The following NAALADL2 variants were observed in gnomAD, a reference collection of about 807,000 sequenced individuals.
NAALADL2 encodes the protein N-acetylated alpha-linked acidic dipeptidase like 2.
NAALADL2 carries 76 observed loss-of-function variants against 87.2 expected under a neutral mutation model. That is an observed-to-expected ratio of 0.87 (90% CI 0.72 to 1.05). The LOEUF (loss-of-function observed/expected upper bound fraction) is 1.05. NAALADL2 is among the 50% of genes least tolerant of loss of function. NAALADL2 has a pLI of 0.00. For synonymous variants in NAALADL2, 354 were observed against 331.0 expected (o/e 1.07, Z -0.75); for missense variants, 1,089 against 945.8 (o/e 1.15, Z -1.99).
chr3:174,537,262 T>G (rs1229137682), intron 1 of NAALADL2, among the ~76,000 whole-genome samples: 2 of 152,186 alleles, frequency 1.3e-5, no homozygotes, highest in Non-Finnish European at 2.9e-5. Context: ...CAATTGTTTT[T>G]TATTATGGAT....
At chr3:174,789,796 T>C (rs138650123) in intron 3 of NAALADL2, among the ~76,000 whole-genome samples, 34 of 152,270 alleles carry the variant, frequency 2.2e-4, no homozygotes, top group African/African-American at 7.0e-4. Context: ...CTAAGTGAAG[T>C]AAACCATGGA....
chr3:174,813,555 G>A (rs757852009), intron 3 of NAALADL2, among the ~76,000 whole-genome samples: 5 of 152,212 alleles, frequency 3.3e-5, no homozygotes, highest in Admixed American at 1.3e-4. Context: ...AACTAGGAAA[G>A]TACGGTCTAT....
At chr3:175,252,489 C>T (rs1249033635) in intron 3 of NAALADL2, among the ~76,000 whole-genome samples, 1 of 152,122 alleles carries the variant, frequency 6.6e-6, no homozygotes, top group Non-Finnish European at 1.5e-5. Flanking sequence ...CTCCCTCCCT[C>T]TCCTGGGCCT....
intron 1 of NAALADL2, among the ~76,000 whole-genome samples, chr3:174,460,266 T>C (rs199610207): frequency 1.3e-5 from 2 of 151,338 alleles, no homozygotes; most frequent in African/African-American, 4.9e-5. Flanking sequence ...TTTGGTTAGT[T>C]TGTTCATGTA....
chr3:174,522,064 A>C (rs113946294), intron 1 of NAALADL2, among the ~76,000 whole-genome samples: 3,801 of 152,212 alleles, frequency 0.025, 160 homozygotes, highest in African/African-American at 0.087. Flanking sequence ...GCACCACTAC[A>C]CTCCAGCCTG....
chr3:175,490,074 G>A lies in NAALADL2; in HGVS notation c.1653+18316G>A, dbSNP rs561502976. Among the ~76,000 whole-genome samples, 6 of 152,260 alleles carry A rather than the reference G, an allele frequency of 3.9e-5. No individual in the cohort carries two copies. In the East Asian group the frequency reaches 1.2e-3, roughly 30 times the overall value. On this transcript the variant is annotated intron_variant, in intron 9 of 13. Transcript: ENST00000454872. ...CGCGGCCCATCTCTCTGTCAACAAT[G>A]ATCAGTTCATGGATGGACACATTAC...
intron 1 of NAALADL2, among the ~76,000 whole-genome samples, chr3:174,546,007 T>G (rs2108478936): frequency 6.6e-6 from 1 of 151,760 alleles, no homozygotes; most frequent in South Asian, 2.1e-4. Context: ...TTGTTTTTTT[T>G]GGTCTTTTTC....
chr3:174,864,347 G>A (rs987573622), intron 1 of NAALADL2, among the ~76,000 whole-genome samples: 3 of 152,016 alleles, frequency 2.0e-5, no homozygotes, highest in African/African-American at 4.8e-5. Context: ...TGAATAGAAC[G>A]TGAGATAAAG....
At chr3:175,318,209 G>A (rs1396772715) in intron 4 of NAALADL2, among the ~76,000 whole-genome samples, 1 of 152,024 alleles carries the variant, frequency 6.6e-6, no homozygotes, top group Non-Finnish European at 1.5e-5. Context: ...ACAGACAAAT[G>A]TTTATTTTGT....
At chr3:174,708,702 G>A (rs1304164856) in intron 2 of NAALADL2, among the ~76,000 whole-genome samples, 1 of 152,030 alleles carries the variant, frequency 6.6e-6, no homozygotes, top group East Asian at 1.9e-4. Flanking sequence ...CCTTACATAT[G>A]AATTCTTTTT....
chr3:175,212,856 G>T (rs1029929657), intron 2 of NAALADL2, among the ~76,000 whole-genome samples: 4 of 152,086 alleles, frequency 2.6e-5, no homozygotes, highest in Admixed American at 2.6e-4. Context: ...GCAGAAAATT[G>T]GTTAAAGCTT....
In NAALADL2 at chr3:175,803,170, T is replaced by G. The variant is rs113131191; in HGVS notation, c.2355T>G (p.Asp785Glu). 2.0e-5 allele frequency: 33 copies of G among 1,611,620 alleles called. No homozygotes were observed. The highest frequency in any genetic ancestry group is 2.7e-5 in the African/African-American group (2 of 74,820). Residue 785 changes from aspartate to glutamate, a missense_variant, in exon 14 of 14, where the codon GAT becomes GAG. Coordinates refer to ENST00000454872, the MANE Select transcript of NAALADL2 (RefSeq NM_207015.3). The part of the protein sequence containing the change: ...SAQVYFKAGL[D>E]VFKSVLDGKN ...AGGTTTACTTCAAAGCAGGACTTGA[T>G]GTGTTCAAGAGTGTCTTGGATGGGA...
intron 13 of NAALADL2, among the ~76,000 whole-genome samples, chr3:175,792,030 AT>A (rs1404300828): frequency 2.0e-5 from 3 of 152,134 alleles, no homozygotes; most frequent in African/African-American, 4.8e-5. Context: ...TTAAAAAAAA[AT>A]AAATGGTACT....
intron 1 of NAALADL2, among the ~76,000 whole-genome samples, chr3:174,467,317 G>A (rs962310752): frequency 6.6e-5 from 10 of 152,036 alleles, no homozygotes; most frequent in African/African-American, 1.7e-4. Context: ...ACCTGAGGCC[G>A]GGTGTGGTGG....
In NAALADL2 at chr3:175,807,105, T is replaced by C. The variant is rs1754777322; in HGVS notation, c.*3902T>C. The C allele has an allele frequency of 6.6e-6, 1 of 151,594 alleles. No individual in the cohort carries two copies. Among genetic ancestry groups the C allele is most frequent in the African/African-American group, 2.4e-5 (1 of 41,336 alleles). The allele number at this position is 151,594 out of a possible 1,614,324, so 9.4% of individuals were successfully genotyped here. On this transcript the variant is annotated 3_prime_UTR_variant, in exon 14 of 14. Coordinates refer to ENST00000454872, the MANE Select transcript of NAALADL2 (RefSeq NM_207015.3). Reference sequence around the variant, plus strand: ...CACCATTGTGGAATATCATGACGAGTAGGCTTACAAACAGTAAAAAGAGAC... The same window carrying C: ...CACCATTGTGGAATATCATGACGAGCAGGCTTACAAACAGTAAAAAGAGAC...
At chr3:175,108,928 T>C (rs1024506971) in intron 2 of NAALADL2, among the ~76,000 whole-genome samples, 1 of 151,764 alleles carries the variant, frequency 6.6e-6, no homozygotes, top group Non-Finnish European at 1.5e-5. Context: ...GGGGGTGGCA[T>C]GGGCAGATTT....
chr3:175,752,060 A>G (rs145008504), intron 12 of NAALADL2, among the ~76,000 whole-genome samples: 1,528 of 152,236 alleles, frequency 0.01, 24 homozygotes, highest in African/African-American at 0.034. Context: ...GACATTGTTT[A>G]ATATAATAAT....
At chr3:175,338,618 CACAA>C (rs1347222270) in intron 5 of NAALADL2, among the ~76,000 whole-genome samples, 6 of 56,216 alleles carry the variant, frequency 1.1e-4, no homozygotes, top group African/African-American at 3.1e-4. Context: ...AAAAAAACAC[CACAA>C]ACACACACAC....
At chr3:175,293,140 C>G (rs1755879482) in intron 4 of NAALADL2, among the ~76,000 whole-genome samples, 1 of 151,526 alleles carries the variant, frequency 6.6e-6, no homozygotes, top group African/African-American at 2.4e-5. Flanking sequence ...AAGATATAGC[C>G]CTTTCAAGAT....
Sources: gnomAD v4.1 joint callset for allele counts (sites outside exome capture counted in the v4.1 genomes callset) on GRCh38, gnomAD v4.1.1 for gene constraint, MANE v1.5 for transcripts, NCBI Gene and HGNC (gene_info 2026-07-23, HGNC 2026-07-21) for gene names.